The following SULT2A1 variants were observed in gnomAD, a reference collection of about 807,000 sequenced individuals.
The protein encoded by SULT2A1 is sulfotransferase family 2A member 1, also known as sulfotransferase 2A1.
SULT2A1 carries 43 observed loss-of-function variants against 33.9 expected under a neutral mutation model. The ratio of observed to expected loss-of-function variants is 1.27; its 90% CI spans 1.00 to 1.64. SULT2A1 has a LOEUF of 1.64. Ranked by LOEUF, SULT2A1 falls within the 40% of genes most tolerant of loss-of-function variation. The pLI is 0.00. For synonymous variants in SULT2A1, 125 were observed against 113.6 expected (o/e 1.10, Z -0.64); for missense variants, 300 against 335.1 (o/e 0.90, Z 0.82).
At chr19:47,875,218 C>T (rs1234191793) in intron 4 of SULT2A1, among the ~76,000 whole-genome samples, 2 of 148,290 alleles carry the variant, frequency 1.3e-5, no homozygotes, top group South Asian at 2.1e-4. Flanking sequence ...AAGGAGGGAA[C>T]CGCAGAATGA....
intron 3 of SULT2A1, among the ~76,000 whole-genome samples, chr19:47,881,467 C>T (rs1334663889): frequency 1.3e-5 from 2 of 152,088 alleles, no homozygotes; most frequent in Non-Finnish European, 1.5e-5. Flanking sequence ...CCACCGCGCC[C>T]AGCCAGAAAG....
At chr19:47,879,784 C>CG (rs1287777685) in intron 3 of SULT2A1, among the ~76,000 whole-genome samples, 1 of 72,184 alleles carries the variant, frequency 1.4e-5, no homozygotes, top group Non-Finnish European at 2.6e-5. Context: ...TGTCATGGGG[C>CG]GGGGGGAGGG....
chr19:47,872,322 A>G (rs1968500656), intron 5 of SULT2A1, among the ~76,000 whole-genome samples: 1 of 152,118 alleles, frequency 6.6e-6, no homozygotes, highest in Non-Finnish European at 1.5e-5. Context: ...CGAGGACTCT[A>G]GGTTTCACTC....
intron 5 of SULT2A1, among the ~76,000 whole-genome samples, chr19:47,872,506 C>T (rs1252917983): frequency 6.6e-6 from 1 of 152,074 alleles, no homozygotes; most frequent in Non-Finnish European, 1.5e-5. Flanking sequence ...TCCCACGCTC[C>T]TTCTCCTTGG....
In SULT2A1 at chr19:47,883,698, G is replaced by C. The variant is rs760347203; in HGVS notation, c.224C>G (p.Ser75Ter). 1.2e-6 allele frequency: 2 copies of C among 1,614,134 alleles called. No individual in the cohort carries two copies. Among genetic ancestry groups the C allele is most frequent in the South Asian group, 2.2e-5 (2 of 91,078 alleles). ...CCCAATCTCACTCTCTACCCAGGGTGATCGCTCCCAGATGGGCACAGATTG... is the reference window on the plus strand; with the variant it reads ...CCCAATCTCACTCTCTACCCAGGGTCATCGCTCCCAGATGGGCACAGATTG... ...WIQSVPIWER[S>*]PWVESEIGYT... Residue 75 changes from serine to a stop codon, truncating the protein, a stop_gained, in exon 2 of 6, where the codon TCA becomes TGA. Transcript: ENST00000222002. LOFTEE classifies it high-confidence loss of function.
chr19:47,872,469 G>A (rs1968502223), intron 5 of SULT2A1, among the ~76,000 whole-genome samples: 1 of 152,078 alleles, frequency 6.6e-6, no homozygotes, highest in African/African-American at 2.4e-5. Flanking sequence ...AACGTGGCAG[G>A]CATCCCCACT....
At position 47,876,164 on chromosome 19, in the gene SULT2A1, C is replaced by T. The variant is rs143303745; in HGVS notation, c.568-1330G>A. Among the ~76,000 whole-genome samples, 161 of 152,186 alleles carry T rather than the reference C, an allele frequency of 1.1e-3. No individual in the cohort carries two copies. The South Asian group carries it at 0.015, about 14-fold the overall frequency. ...CCGAGTAGCTGGGGTTACAGGCGTG[C>T]GCCACCACTCCCGGCTAATTTACGT... On this transcript the variant is annotated intron_variant, in intron 4 of 5. Transcript: ENST00000222002.
At chr19:47,885,272 C>T (rs1003140651) in intron 1 of SULT2A1, among the ~76,000 whole-genome samples, 3 of 152,194 alleles carry the variant, frequency 2.0e-5, no homozygotes, top group Admixed American at 1.3e-4. Flanking sequence ...CCCTGGCAGC[C>T]GCCAGTGTAC....
At chr19:47,875,707 C>G (rs1369042259) in intron 4 of SULT2A1, among the ~76,000 whole-genome samples, 1 of 152,216 alleles carries the variant, frequency 6.6e-6, no homozygotes, top group African/African-American at 2.4e-5. Context: ...CAAGGATCAT[C>G]GTGGATTTTC....
At chr19:47,873,925 T>C (rs1239548270) in intron 5 of SULT2A1, among the ~76,000 whole-genome samples, 1 of 151,822 alleles carries the variant, frequency 6.6e-6, no homozygotes, top group South Asian at 2.1e-4. Context: ...ACCCGGCCCA[T>C]CCAGGACAGA....
chr19:47,877,476 G>A (rs916399634), intron 4 of SULT2A1, among the ~76,000 whole-genome samples: 4 of 151,868 alleles, frequency 2.6e-5, no homozygotes, highest in African/African-American at 7.3e-5. Flanking sequence ...CTGACCTCAA[G>A]TGATCCCCCT....
chr19:47,883,849 C>T (rs1968627338), intron 1 of SULT2A1, 64 bp from the exon 2 acceptor site: 1 of 1,483,666 alleles, frequency 6.7e-7, no homozygotes, highest in Non-Finnish European at 9.2e-7. Context: ...TGGCTCACGC[C>T]TGTAATCCCA....
chr19:47,878,840 G>A (rs1053340795), intron 4 of SULT2A1, among the ~76,000 whole-genome samples, 196 bp downstream of exon 4: 1 of 152,086 alleles, frequency 6.6e-6, no homozygotes, highest in South Asian at 2.1e-4. Context: ...AAAATAAGGA[G>A]CGTGAAGCTT....
rs547086839 is a variant in SULT2A1 at position 47,871,805 on chromosome 19, A to G, written c.746-238T>C. ...CAATAACGCCAGTATATCATCTGATATGTCCAGAATCAAGTCACGTCTCAC... is the reference window on the plus strand; with the variant it reads ...CAATAACGCCAGTATATCATCTGATGTGTCCAGAATCAAGTCACGTCTCAC... On this transcript the variant is annotated intron_variant, in intron 5 of 5. Transcript: ENST00000222002. Among the ~76,000 whole-genome samples, 4 of 152,244 alleles carry G rather than the reference A, an allele frequency of 2.6e-5. No homozygotes were observed. In the East Asian group the frequency reaches 7.7e-4, roughly 29 times the overall value.
At position 47,874,705 on chromosome 19, in the gene SULT2A1, G is replaced by C. The variant is rs1352184597; in HGVS notation, c.697C>G (p.Leu233Val). Reference protein sequence around the residue: ...MKENKMSNYSLLSVDYVVDKA... With the variant: ...MKENKMSNYSVLSVDYVVDKA... ...TCCACTACATAATCAACACTCAGGA[G>C]GGAATAATTGGACATCTTGTTTTCT... Residue 233 changes from leucine (L) to valine (V), a missense_variant, in exon 5 of 6, where the codon CTC becomes GTC. Coordinates refer to ENST00000222002, the MANE Select transcript of SULT2A1 (RefSeq NM_003167.4). The C allele has an allele frequency of 6.2e-7, 1 of 1,614,106 alleles. No homozygotes were observed. The highest frequency in any genetic ancestry group is 2.2e-5 in the East Asian group (1 of 44,882).
At chr19:47,877,796 C>T (rs1968561584) in intron 4 of SULT2A1, among the ~76,000 whole-genome samples, 1 of 152,212 alleles carries the variant, frequency 6.6e-6, no homozygotes, top group Non-Finnish European at 1.5e-5. Context: ...AGCCATCCAC[C>T]TGCCTTCACC....
intron 4 of SULT2A1, among the ~76,000 whole-genome samples, chr19:47,875,480 A>G (rs534758664): frequency 6.6e-6 from 1 of 152,074 alleles, no homozygotes; most frequent in South Asian, 2.1e-4. Context: ...TCTACAAAAA[A>G]TACAAAAATT....
intron 4 of SULT2A1, among the ~76,000 whole-genome samples, chr19:47,875,344 G>T (rs750999399): frequency 2.6e-5 from 4 of 151,622 alleles, no homozygotes; most frequent in African/African-American, 4.8e-5. Context: ...GTATGTAAAA[G>T]ATGCAAGGAT....
intron 4 of SULT2A1, among the ~76,000 whole-genome samples, chr19:47,878,333 C>G (rs185205410): frequency 1.3e-5 from 2 of 151,690 alleles, no homozygotes; most frequent in African/African-American, 4.9e-5. Flanking sequence ...GTGCACCCCC[C>G]ACATCTGGCT....
Sources: gnomAD v4.1 joint callset for allele counts (sites outside exome capture counted in the v4.1 genomes callset) on GRCh38, gnomAD v4.1.1 for gene constraint, MANE v1.5 for transcripts, NCBI Gene and HGNC (gene_info 2026-07-23, HGNC 2026-07-21) for gene names.